Variants in ZNF644 observed in about 807,000 individuals in gnomAD.
ZNF644 encodes zinc finger protein 644.
In ZNF644, 20 loss-of-function variants were observed where a neutral mutation model predicts 108.0. The ratio of observed to expected loss-of-function variants is 0.19; its 90% CI spans 0.13 to 0.27. ZNF644 has a LOEUF of 0.27. ZNF644 is among the 10% of genes least tolerant of loss of function. The pLI, the probability that ZNF644 is intolerant of heterozygous loss-of-function variation, is 1.00. For missense variants in ZNF644, 1,338 were observed against 1,548.9 expected (o/e 0.86, Z 2.29); for synonymous variants, 542 against 539.1 (o/e 1.01, Z -0.08).
chr1:90,982,393 C>T (rs1169413304), intron 1 of ZNF644, 23 bp from the exon 2 acceptor site: 1 of 1,587,044 alleles, frequency 6.3e-7, no homozygotes, highest in Non-Finnish European at 8.6e-7. Context: ...CACACAATGA[C>T]CAAGGTTTAA....
intron 4 of ZNF644, among the ~76,000 whole-genome samples, chr1:90,930,412 G>A (rs1157258264): frequency 6.6e-6 from 1 of 152,154 alleles, no homozygotes; most frequent in African/African-American, 2.4e-5. Context: ...AGTCCCAGAG[G>A]TTAGCATTTG....
chr1:90,977,998 T>C (rs892428804), intron 2 of ZNF644, among the ~76,000 whole-genome samples: 20 of 152,184 alleles, frequency 1.3e-4, no homozygotes, highest in African/African-American at 4.6e-4. Flanking sequence ...ACTTTAAACA[T>C]TGCTGTACTA....
rs762247899 is a variant in ZNF644, at chr1:90,939,157, T to G, written c.2197A>C (p.Lys733Gln). The stretch of plus-strand genomic sequence containing the variant: ...CTATACAAATAGTGGCTATTTGCCT[T>G]GGCATTAGACTTTTCTTTTGCTGCT... ...HQAAKEKSNA[K>Q]ANSHYLYRHK... The change falls in exon 3 of 6, where the codon AAG (lysine) becomes CAG (glutamine). Residue 733 changes from lysine (K) to glutamine (Q), a missense_variant. Around this residue, in one of 6 missense-constraint regions of ZNF644, gnomAD observed 462 missense variants for 472.6 expected, o/e 0.98. Coordinates refer to ENST00000337393, the MANE Select transcript of ZNF644 (RefSeq NM_201269.3). 5 of 1,613,852 alleles carry G rather than the reference T, an allele frequency of 3.1e-6. No homozygotes were observed. The highest frequency in any genetic ancestry group is 4.2e-6 in the Non-Finnish European group (5 of 1,179,922).
chr1:90,918,432 G>T, intron 4 of ZNF644: 1 of 322,524 alleles, frequency 3.1e-6, no homozygotes, highest in Non-Finnish European at 5.8e-6. Context: ...AACTAGAACT[G>T]AGAAAATGTA....
chr1:91,000,355 A>G (rs1389362030), intron 1 of ZNF644, among the ~76,000 whole-genome samples: 4 of 152,236 alleles, frequency 2.6e-5, no homozygotes, highest in Non-Finnish European at 5.9e-5. Flanking sequence ...ACCACAGTGT[A>G]ATCAAACTAG....
chr1:90,976,390 C>A (rs61799217), intron 2 of ZNF644, among the ~76,000 whole-genome samples: 24,933 of 152,002 alleles, frequency 0.16, 2,261 homozygotes, highest in Middle Eastern at 0.28. Context: ...TAGCACAGTG[C>A]CTAGAATATT....
chr1:90,933,909 C>T (rs756366500), intron 4 of ZNF644, among the ~76,000 whole-genome samples: 2 of 152,040 alleles, frequency 1.3e-5, no homozygotes, highest in African/African-American at 2.4e-5. Flanking sequence ...TCCTATAAAA[C>T]GTTAAGAGAA....
At chr1:91,021,656 G>A (rs1055861794) in intron 1 of ZNF644, 4 of 2,510 alleles carry the variant, frequency 1.6e-3, no homozygotes, top group African/African-American at 5.0e-3. Context: ...TCCCCCCGCC[G>A]AGTCCCGCCC....
intron 1 of ZNF644, among the ~76,000 whole-genome samples, chr1:90,987,267 TAAAAAAAGA>T (rs1657200748): frequency 9.2e-6 from 1 of 108,802 alleles, no homozygotes; most frequent in Non-Finnish European, 1.9e-5. Context: ...TTTTTTTTTT[TAAAAAAAGA>T]TCAACAAAAT....
chr1:90,994,586 AATG>A (rs1207162382), intron 1 of ZNF644, among the ~76,000 whole-genome samples: 1 of 152,212 alleles, frequency 6.6e-6, no homozygotes, highest in Middle Eastern at 3.2e-3. Flanking sequence ...AACTAGAAAG[AATG>A]ATGCTACACT....
At chr1:90,994,074 AAATGGGAGATGTAG>A (rs1332870825) in intron 1 of ZNF644, among the ~76,000 whole-genome samples, 2 of 152,160 alleles carry the variant, frequency 1.3e-5, no homozygotes, top group African/African-American at 4.8e-5. Context: ...GGATGGGACT[AAATGGGAGATGTAG>A]AATGCTTCTT....
Position 90,925,378 on chromosome 1 carries a change from C to A in ZNF644, c.3689-7224G>T, listed in dbSNP as rs1649911523. On this transcript the variant is annotated intron_variant, in intron 4 of 5. Transcript: ENST00000337393. ...AATAAACATAGAAACCGCTTTTTTT[C>A]TTAAAAATTCACTTGTAACTGCTGC... is the stretch of plus-strand genomic sequence containing the variant. 3.3e-5 allele frequency among the ~76,000 whole-genome samples: 5 copies of A among 151,866 alleles called. No individual in the cohort carries two copies. In the South Asian group the frequency reaches 1.0e-3, roughly 32 times the overall value.
chr1:90,917,107 TAA>T, intron 5 of ZNF644, 117 bp from the exon 6 acceptor site: 1 of 994,504 alleles, frequency 1.0e-6, no homozygotes, highest in South Asian at 1.5e-5. Flanking sequence ...CAGCAATTGA[TAA>T]AGTTTCTAAA....
At chr1:90,966,578 T>C (rs1654917314) in intron 2 of ZNF644, among the ~76,000 whole-genome samples, 1 of 151,896 alleles carries the variant, frequency 6.6e-6, no homozygotes, top group African/African-American at 2.4e-5. Context: ...AGTGAAACCC[T>C]GTCTCTATTA....
At chr1:90,950,739 G>A (rs1389690654) in intron 2 of ZNF644, among the ~76,000 whole-genome samples, 1 of 152,096 alleles carries the variant, frequency 6.6e-6, no homozygotes, top group African/African-American at 2.4e-5. Flanking sequence ...TAATTACTAA[G>A]GTTGATCTGA....
intron 2 of ZNF644, among the ~76,000 whole-genome samples, chr1:90,943,436 G>T (rs924205501): frequency 6.6e-6 from 1 of 151,978 alleles, no homozygotes; most frequent in African/African-American, 2.4e-5. Context: ...GTGAGACTCC[G>T]TCTCAAAAAA....
At chr1:90,974,590 C>T (rs1655809202) in intron 2 of ZNF644, among the ~76,000 whole-genome samples, 1 of 152,100 alleles carries the variant, frequency 6.6e-6, no homozygotes, top group African/African-American at 2.4e-5. Flanking sequence ...CTCCTACTCC[C>T]ACCTCCATTA....
rs140600690 is a variant in ZNF644 at position 90,924,418 on chromosome 1, G to A, written c.3689-6264C>T. 4.9e-3 allele frequency among the ~76,000 whole-genome samples: 753 copies of A among 152,148 alleles called. 2 individuals carry two copies. Among genetic ancestry groups the A allele is most frequent in the Non-Finnish European group, 7.4e-3 (505 of 67,976 alleles). On this transcript the variant is annotated intron_variant, in intron 4 of 5. Coordinates refer to ENST00000337393, the MANE Select transcript of ZNF644 (RefSeq NM_201269.3). ...ATCTGCTTTAAGTCACTTTTGTTGA[G>A]AATTACAAACAAAATAATCACAGTC...
chr1:91,020,194 T>A (rs1028326804), intron 1 of ZNF644, among the ~76,000 whole-genome samples: 2 of 152,170 alleles, frequency 1.3e-5, no homozygotes, highest in African/African-American at 4.8e-5. Context: ...TATTCATTAA[T>A]ACAAGACTGT....
Sources: allele counts gnomAD v4.1 joint callset (sites outside exome capture counted in the v4.1 genomes callset), GRCh38; gene constraint gnomAD v4.1.1; regional missense constraint gnomAD v4.1.1; transcripts MANE v1.5; gene names NCBI Gene and HGNC (gene_info 2026-07-23, HGNC 2026-07-21).